Variants in DCC observed in about 807,000 individuals in gnomAD.
DCC encodes DCC netrin 1 receptor, also known as netrin receptor DCC.
A neutral mutation model predicts 172.5 loss-of-function variants in DCC; 58 were observed. The observed-to-expected ratio is 0.34, with a 90% CI of 0.27 to 0.42. The LOEUF (loss-of-function observed/expected upper bound fraction) is 0.42, where lower values mean the gene tolerates loss of function less well. Among genes scored for constraint, DCC ranks in the 10% least tolerant of loss-of-function variants. The pLI is 1.00. For synonymous variants in DCC, 709 were observed against 644.5 expected (o/e 1.10, Z -1.52); for missense variants, 1,740 against 1,791.0 (o/e 0.97, Z 0.51).
At chr18:52,550,211 A>G (rs2032729966) in intron 1 of DCC, among the ~76,000 whole-genome samples, 1 of 152,018 alleles carries the variant, frequency 6.6e-6, no homozygotes, top group African/African-American at 2.4e-5. Flanking sequence ...AACATTCTAC[A>G]AAACACCTGA....
At chr18:52,489,319 A>T (rs2030385247) in intron 1 of DCC, among the ~76,000 whole-genome samples, 1 of 152,106 alleles carries the variant, frequency 6.6e-6, no homozygotes, top group South Asian at 2.1e-4. Flanking sequence ...GAAGGCAAAG[A>T]TTCATATTTT....
intron 5 of DCC, among the ~76,000 whole-genome samples, chr18:53,043,757 C>G (rs185527533): frequency 1.2e-3 from 183 of 151,978 alleles, no homozygotes; most frequent in African/African-American, 4.0e-3. Context: ...AAAGTGTATG[C>G]TTTAACAATC....
Position 53,207,755 on chromosome 18 carries a change from C to G in DCC, c.1799C>G (p.Ala600Gly). 1.9e-6 allele frequency: 3 copies of G among 1,612,806 alleles called. No individual in the cohort carries two copies. The highest frequency in any genetic ancestry group is 2.5e-6 in the Non-Finnish European group (3 of 1,178,878). Residue 600 changes from alanine (A) to glycine (G), a missense_variant, in exon 11 of 29, where the codon GCT (alanine) becomes GGT (glycine). Coordinates refer to ENST00000442544, the MANE Select transcript of DCC (RefSeq NM_005215.4). ...ACCGAATATAGTCTTCGATTCTTAG[C>G]TTATAATCGCTATGGTCCGGGCGTC... is the stretch of plus-strand genomic sequence containing the variant. ...KFTEYSLRFLAYNRYGPGVST... is the reference protein window; with the variant it reads ...KFTEYSLRFLGYNRYGPGVST...
intron 15 of DCC, among the ~76,000 whole-genome samples, chr18:53,342,054 G>T (rs2057665624): frequency 6.6e-6 from 1 of 151,948 alleles, no homozygotes; most frequent in African/African-American, 2.4e-5. Context: ...CATAGGGTCA[G>T]CCATAACTTC....
At chr18:52,373,887 C>CTTTTTTTTTTTT (rs779518696) in intron 1 of DCC, among the ~76,000 whole-genome samples, 1 of 141,108 alleles carries the variant, frequency 7.1e-6, no homozygotes, top group Non-Finnish European at 1.5e-5. Context: ...TTGGTTGCAT[C>CTTTTTTTTTTTT]ATTTTTTTTT....
At chr18:53,001,829 C>G (rs1401442881) in intron 5 of DCC, among the ~76,000 whole-genome samples, 1 of 151,972 alleles carries the variant, frequency 6.6e-6, no homozygotes, top group Non-Finnish European at 1.5e-5. Flanking sequence ...GAAACTTATC[C>G]TGGTCACCTA....
intron 1 of DCC, among the ~76,000 whole-genome samples, chr18:52,660,724 A>G (rs749124214): frequency 6.6e-6 from 1 of 152,208 alleles, no homozygotes; most frequent in Non-Finnish European, 1.5e-5. Context: ...TCCTTTTACC[A>G]TGAGACAAAT....
chr18:52,639,152 A>G (rs1056922042), intron 1 of DCC, among the ~76,000 whole-genome samples: 1 of 152,178 alleles, frequency 6.6e-6, no homozygotes, highest in Non-Finnish European at 1.5e-5. Flanking sequence ...TCTGTGATAC[A>G]GCAAAGGCGA....
At chr18:52,528,323 T>C (rs2032044086) in intron 1 of DCC, among the ~76,000 whole-genome samples, 1 of 152,258 alleles carries the variant, frequency 6.6e-6, no homozygotes, top group South Asian at 2.1e-4. Flanking sequence ...TCGAATATAA[T>C]GTGCCAGATG....
At chr18:52,609,431 C>T (rs1006288175) in intron 1 of DCC, among the ~76,000 whole-genome samples, 5 of 151,752 alleles carry the variant, frequency 3.3e-5, no homozygotes, top group Non-Finnish European at 7.4e-5. Flanking sequence ...GCAACATTCA[C>T]TCCATTTGTA....
At chr18:53,136,489 G>A (rs1010486896) in intron 7 of DCC, among the ~76,000 whole-genome samples, 1 of 152,114 alleles carries the variant, frequency 6.6e-6, no homozygotes, top group African/African-American at 2.4e-5. Context: ...TCTACCTTAT[G>A]TGGAGGGAAA....
At chr18:53,064,537 T>G (rs2042540562) in intron 6 of DCC, among the ~76,000 whole-genome samples, 1 of 152,168 alleles carries the variant, frequency 6.6e-6, no homozygotes, top group African/African-American at 2.4e-5. Context: ...CAATGGCCTT[T>G]GTTGCAAAGT....
At position 52,961,007 on chromosome 18, in the gene DCC, A is replaced by G. The variant is rs1272554170; in HGVS notation, c.985+35637A>G. 4.6e-5 allele frequency among the ~76,000 whole-genome samples: 7 copies of G among 152,266 alleles called. No individual in the cohort carries two copies. In the South Asian group the frequency reaches 1.0e-3, roughly 23 times the overall value. On this transcript the variant is annotated intron_variant, in intron 5 of 28. Coordinates refer to ENST00000442544, the MANE Select transcript of DCC (RefSeq NM_005215.4). ...ATCAGGACCAATAGTACCCATAAAC[A>G]CATGCTTATGTTAATTGAGGGAACT...
chr18:53,295,580 T>A (rs2057056818), intron 12 of DCC, among the ~76,000 whole-genome samples: 1 of 152,196 alleles, frequency 6.6e-6, no homozygotes, highest in African/African-American at 2.4e-5. Flanking sequence ...GTTGCTATTT[T>A]GTAATTTTGA....
chr18:52,505,097 G>A (rs1266348440), intron 1 of DCC, among the ~76,000 whole-genome samples: 1 of 152,076 alleles, frequency 6.6e-6, no homozygotes, highest in Non-Finnish European at 1.5e-5. Context: ...AGAAGGGAGG[G>A]GAAAGATCAG....
In DCC at chr18:52,340,894, C is replaced by G; in HGVS notation, c.91+16C>G. On this transcript the variant is annotated intron_variant, in intron 1 of 28. Transcript: ENST00000442544. Reference sequence around the variant, plus strand: ...CAAGTAACCGGTAAGTGGCTCTTTCCTTTCTTCTCGTCGCACCCCCTTCCG... The same window carrying G: ...CAAGTAACCGGTAAGTGGCTCTTTCGTTTCTTCTCGTCGCACCCCCTTCCG... 12 of 1,587,436 alleles carry G rather than the reference C, an allele frequency of 7.6e-6. No individual in the cohort carries two copies. The highest frequency in any genetic ancestry group is 1.0e-5 in the Non-Finnish European group (12 of 1,155,678).
intron 12 of DCC, among the ~76,000 whole-genome samples, chr18:53,252,022 C>A (rs536622555): frequency 6.6e-6 from 1 of 151,940 alleles, no homozygotes; most frequent in East Asian, 1.9e-4. Flanking sequence ...TGGTCTGATC[C>A]TCCACAATAT....
intron 14 of DCC, among the ~76,000 whole-genome samples, chr18:53,323,124 A>G (rs1197275177): frequency 6.6e-6 from 1 of 152,072 alleles, no homozygotes; most frequent in East Asian, 1.9e-4. Context: ...TAAAAACTCT[A>G]TATTCCTTTC....
intron 7 of DCC, among the ~76,000 whole-genome samples, chr18:53,150,858 C>T (rs549203609): frequency 6.6e-6 from 1 of 152,226 alleles, no homozygotes; most frequent in African/African-American, 2.4e-5. Flanking sequence ...ACTCCTGAAA[C>T]CTAGCTCCGC....
Sources: gnomAD v4.1 joint callset for allele counts (sites outside exome capture counted in the v4.1 genomes callset) on GRCh38, gnomAD v4.1.1 for gene constraint, MANE v1.5 for transcripts, NCBI Gene and HGNC (gene_info 2026-07-23, HGNC 2026-07-21) for gene names.